Variants in EMSY observed in about 807,000 individuals in gnomAD.
EMSY encodes BRCA2-interacting transcriptional repressor EMSY.
A neutral mutation model predicts 134.6 loss-of-function variants in EMSY; 26 were observed. The ratio of observed to expected loss-of-function variants is 0.19; its 90% CI spans 0.14 to 0.27. EMSY has a LOEUF of 0.27. EMSY is among the 10% of genes least tolerant of loss of function. EMSY has a pLI of 1.00. For synonymous variants in EMSY, 579 were observed against 577.8 expected (o/e 1.00, Z -0.03); for missense variants, 1,305 against 1,611.4 (o/e 0.81, Z 3.26).
At chr11:76,532,283 C>A (rs1951070369) in intron 14 of EMSY, among the ~76,000 whole-genome samples, 1 of 151,708 alleles carries the variant, frequency 6.6e-6, no homozygotes, top group African/African-American at 2.4e-5. Flanking sequence ...GAGCAGCAAC[C>A]ATAATAACTG....
chr11:76,493,947 C>T lies in EMSY; in HGVS notation c.1109-2268C>T, dbSNP rs116883925. On this transcript the variant is annotated intron_variant, in intron 8 of 20. Coordinates refer to ENST00000334736, the Ensembl canonical transcript of EMSY. ...TGGGGGAGCCCAGACCTAGGGGCTC[C>T]CCAAGCCTGGGCTCTGACACCCTCT... 4.2e-3 allele frequency among the ~76,000 whole-genome samples: 642 copies of T among 152,286 alleles called. 4 individuals are homozygous for T. Among genetic ancestry groups the T allele is most frequent in the Middle Eastern group, 0.014 (4 of 294 alleles).
At chr11:76,465,226 T>C (rs1948300417) in intron 7 of EMSY, among the ~76,000 whole-genome samples, 1 of 152,244 alleles carries the variant, frequency 6.6e-6, no homozygotes, top group African/African-American at 2.4e-5. Context: ...ATCTTTCTCA[T>C]TTCCATTTTC....
At chr11:76,501,815 A>G (rs1355369708) in intron 9 of EMSY, among the ~76,000 whole-genome samples, 2 of 152,156 alleles carry the variant, frequency 1.3e-5, no homozygotes, top group Non-Finnish European at 2.9e-5. Flanking sequence ...ATTGAAAAGC[A>G]GTAACATATG....
intron 18 of EMSY, among the ~76,000 whole-genome samples, chr11:76,543,166 C>G (rs1951510187): frequency 6.6e-6 from 1 of 152,168 alleles, no homozygotes; most frequent in African/African-American, 2.4e-5. Flanking sequence ...TCATGGATAT[C>G]AGATTAAAGC....
chr11:76,450,057 C>CTTTTTTTTT, intron 2 of EMSY, among the ~76,000 whole-genome samples: 1 of 131,028 alleles, frequency 7.6e-6, no homozygotes, highest in Non-Finnish European at 1.6e-5. Flanking sequence ...TGTACATTTG[C>CTTTTTTTTT]TTTTTTTTTT....
rs190149117 is a variant in EMSY at position 76,503,618 on chromosome 11, A to G, written c.1363+7149A>G. On this transcript the variant is annotated intron_variant, in intron 9 of 20. Transcript: ENST00000334736. ...CCGTATACAAAATTAACTCAAATGA[A>G]TCAAACATTTACACTTAGAGGTAAA... Among the ~76,000 whole-genome samples, 539 of 152,316 alleles carry G rather than the reference A, an allele frequency of 3.5e-3. 5 individuals carry two copies. Among genetic ancestry groups the G allele is most frequent in the Non-Finnish European group, 3.0e-3 (207 of 68,020 alleles).
chr11:76,523,759 A>C (rs1387510778), intron 12 of EMSY, among the ~76,000 whole-genome samples: 1 of 146,672 alleles, frequency 6.8e-6, no homozygotes, highest in Non-Finnish European at 1.5e-5. Context: ...AAAAAATAAA[A>C]TCAGACTGGG....
intron 9 of EMSY, among the ~76,000 whole-genome samples, chr11:76,498,499 T>G (rs1949734070): frequency 6.6e-6 from 1 of 152,232 alleles, no homozygotes. Flanking sequence ...GTATTATATT[T>G]TGATATATCT....
intron 10 of EMSY, among the ~76,000 whole-genome samples, chr11:76,515,680 A>G (rs1950427124): frequency 6.6e-6 from 1 of 152,182 alleles, no homozygotes; most frequent in Admixed American, 6.6e-5. Flanking sequence ...AAGTTTGTAA[A>G]ACTTTAGGCA....
chr11:76,502,722 A>C (rs1949921483), intron 9 of EMSY, among the ~76,000 whole-genome samples: 1 of 152,164 alleles, frequency 6.6e-6, no homozygotes, highest in Non-Finnish European at 1.5e-5. Flanking sequence ...CAAAATAGGA[A>C]TAAATTTAAC....
intron 18 of EMSY, 131 bp downstream of exon 19, chr11:76,542,498 TG>T (rs767655855): frequency 3.1e-5 from 37 of 1,181,588 alleles, no homozygotes; most frequent in Non-Finnish European, 4.3e-5. Flanking sequence ...TTCTAAGAAA[TG>T]AGTAGAGGAA....
chr11:76,473,819 C>T (rs191326131), intron 8 of EMSY, among the ~76,000 whole-genome samples: 266 of 151,402 alleles, frequency 1.8e-3, no homozygotes, highest in Admixed American at 3.4e-3. Context: ...ATGGTGAAAC[C>T]CTGTCTCTAC....
intron 8 of EMSY, among the ~76,000 whole-genome samples, chr11:76,491,654 G>C (rs1384094470): frequency 1.3e-5 from 2 of 152,228 alleles, no homozygotes; most frequent in Non-Finnish European, 2.9e-5. Flanking sequence ...CCCTGCTGAA[G>C]CTTTGAGATC....
At chr11:76,551,341 C>T (rs761968014) in exon 21 of EMSY, 79 of 152,770 alleles carry the variant, frequency 5.2e-4, no homozygotes, top group Middle Eastern at 3.4e-3. Context: ...AAGTTTTTAA[C>T]GGTTTTATAT....
intron 1 of EMSY, among the ~76,000 whole-genome samples, chr11:76,445,956 G>A (rs1446140128): frequency 1.3e-5 from 2 of 152,160 alleles, no homozygotes; most frequent in Non-Finnish European, 2.9e-5. Flanking sequence ...GGCTCACCTC[G>A]GGACACAGAG....
In EMSY at chr11:76,474,929, A is replaced by G. The variant is rs370817856; in HGVS notation, c.1108+2089A>G. On this transcript the variant is annotated intron_variant, in intron 8 of 20. Coordinates refer to ENST00000334736, the Ensembl canonical transcript of EMSY. Reference sequence around the variant, plus strand: ...CAGGTGTGTGCCACCACGCCTGGCTAATTTTTGTATTTCTAATAGAGGTGG... The same window carrying G: ...CAGGTGTGTGCCACCACGCCTGGCTGATTTTTGTATTTCTAATAGAGGTGG... Among the ~76,000 whole-genome samples the G allele has an allele frequency of 4.6e-5, 7 of 151,954 alleles. No homozygotes were observed. In the South Asian group the frequency reaches 1.5e-3, roughly 32 times the overall value.
chr11:76,534,033 A>AAAAG (rs1951139573), intron 14 of EMSY, among the ~76,000 whole-genome samples: 1 of 152,186 alleles, frequency 6.6e-6, no homozygotes, highest in Admixed American at 6.5e-5. Context: ...ATAGACAGAA[A>AAAAG]GAGATGTAGC....
intron 14 of EMSY, among the ~76,000 whole-genome samples, chr11:76,531,808 A>G (rs905209348): frequency 5.3e-5 from 8 of 152,182 alleles, no homozygotes; most frequent in African/African-American, 1.7e-4. Flanking sequence ...GGAAAAATCA[A>G]TCTTTTCTTA....
At chr11:76,523,349 A>T in intron 12 of EMSY, 58 bp downstream of exon 13, 2 of 1,554,510 alleles carry the variant, frequency 1.3e-6, no homozygotes, top group Non-Finnish European at 8.7e-7. Context: ...AAGACCAGCT[A>T]TATAAATATT....
Sources: allele counts gnomAD v4.1 joint callset (sites outside exome capture counted in the v4.1 genomes callset), GRCh38; gene constraint gnomAD v4.1.1; transcripts MANE v1.5; gene names NCBI Gene and HGNC (gene_info 2026-07-23, HGNC 2026-07-21).